Variants in ZGRF1 observed in about 807,000 individuals in gnomAD.
ZGRF1 encodes 5'-3' DNA helicase ZGRF1.
Under a neutral mutation model 203.5 loss-of-function variants are expected in ZGRF1, and 196 were observed. The ratio of observed to expected loss-of-function variants is 0.96; its 90% CI spans 0.86 to 1.08. The LOEUF (loss-of-function observed/expected upper bound fraction) is 1.08. ZGRF1 is among the 50% of genes least tolerant of loss of function. The pLI is 0.00. For missense variants in ZGRF1, 2,326 were observed against 2,416.3 expected, an observed-to-expected ratio of 0.96 and a Z score of 0.78; for synonymous variants, 809 against 841.3, an observed-to-expected ratio of 0.96 and a Z score of 0.66.
At chr4:112,613,787 T>C (rs1484510983) in intron 6 of ZGRF1, among the ~76,000 whole-genome samples, 1 of 152,128 alleles carries the variant, frequency 6.6e-6, no homozygotes, top group Non-Finnish European at 1.5e-5. Flanking sequence ...ATTTTTTTTC[T>C]TAAAAAAAAG....
chr4:112,578,697 T>C lies in ZGRF1; in HGVS notation c.4438+2966A>G, dbSNP rs374749985. ...AGAAATGGATAAATTCCTCGACACATACATCCTCCCAAGACTAAACCAGGA... is the reference window on the plus strand; with the variant it reads ...AGAAATGGATAAATTCCTCGACACACACATCCTCCCAAGACTAAACCAGGA... On this transcript the variant is annotated intron_variant, in intron 16 of 27. Coordinates refer to ENST00000505019, the MANE Select transcript of ZGRF1 (RefSeq NM_018392.5). Among the ~76,000 whole-genome samples the C allele has an allele frequency of 7.3e-5, 9 of 122,962 alleles. 4 individuals are homozygous for C. Among genetic ancestry groups the C allele is most frequent in the East Asian group, 4.8e-4 (2 of 4,204 alleles). The allele number at this position is 122,962 out of a possible 152,430, so 80.7% of individuals were successfully genotyped here. A position where few individuals can be genotyped will look rare whatever the true frequency, so the allele number is the denominator to read the frequency against.
Position 112,595,331 on chromosome 4 carries a change from GTCTTCAAAAGATTATACTA to G in ZGRF1, c.2977-5476_2977-5458del, listed in dbSNP as rs1229863081. On this transcript the variant is annotated intron_variant, in intron 10 of 27. Coordinates refer to ENST00000505019, the MANE Select transcript of ZGRF1 (RefSeq NM_018392.5). ...TTCTAAGTAATTTTGCTGTTTAAAT[GTCTTCAAAAGATTATACTA>G]TGATTTAGCCCTGAACAAAAAATTA... Among the ~76,000 whole-genome samples, 1,030 of 152,210 alleles carry G rather than the reference GTCTTCAAAAGATTATACTA, an allele frequency of 6.8e-3. 15 individuals are homozygous for G. Among genetic ancestry groups the G allele is most frequent in the African/African-American group, 0.023 (973 of 41,524 alleles).
chr4:112,587,689 A>T lies in ZGRF1; in HGVS notation c.3368T>A (p.Phe1123Tyr). 1 of 1,610,406 alleles carries T rather than the reference A, an allele frequency of 6.2e-7. No individual in the cohort carries two copies. Among genetic ancestry groups the T allele is most frequent in the Non-Finnish European group, 8.5e-7 (1 of 1,177,924 alleles). Residue 1123 changes from phenylalanine to tyrosine, a missense_variant, in exon 12 of 28, where the codon TTC becomes TAC. Physicochemically the swap from Phe to Tyr is conservative, Grantham distance 22 (BLOSUM62 3). Transcript: ENST00000505019. The stretch of plus-strand genomic sequence containing the variant: ...ATTCACTTCCCTAGATTCTTCAGAG[A>T]AAAAGGTTTCATTTTGGTCCTCAGG... ...IEPEDQNETF[F>Y]SEESREVNPG...
chr4:112,623,694 C>A (rs988898800), intron 4 of ZGRF1, 123 bp downstream of exon 4: 1 of 611,074 alleles, frequency 1.6e-6, no homozygotes, highest in Non-Finnish European at 2.9e-6. Context: ...CAAAGTCTAG[C>A]TATAATGTTC....
chr4:112,587,115 C>G (rs181564548), intron 12 of ZGRF1, among the ~76,000 whole-genome samples, 165 bp downstream of exon 12: 1 of 152,062 alleles, frequency 6.6e-6, no homozygotes, highest in African/African-American at 2.4e-5. Context: ...ACTACTATTA[C>G]GAGAGATTTT....
At chr4:112,596,467 T>C (rs534549208) in intron 10 of ZGRF1, among the ~76,000 whole-genome samples, 34 of 152,034 alleles carry the variant, frequency 2.2e-4, no homozygotes, top group Non-Finnish European at 4.4e-4. Context: ...AACAAAGAAA[T>C]ATATTTTTTA....
At position 112,617,518 on chromosome 4, in the gene ZGRF1, A is replaced by C; in HGVS notation, c.2524T>G (p.Leu842Val). Reference sequence around the variant, plus strand: ...GTATTTTTCTTTTTCAATATTTCCAAGCTGTCTAAAGCAGTACTGTGTTCA... The same window carrying C: ...GTATTTTTCTTTTTCAATATTTCCACGCTGTCTAAAGCAGTACTGTGTTCA... ...LCEHSTALDS[L>V]EILKKKNTVF... is the part of the protein sequence containing the mutation. Residue 842 changes from leucine to valine, a missense_variant, in exon 6 of 28, where the codon TTG becomes GTG. Transcript: ENST00000505019. The C allele has an allele frequency of 6.2e-7, 1 of 1,603,836 alleles. No homozygotes were observed. The highest frequency in any genetic ancestry group is 1.1e-5 in the South Asian group (1 of 88,300).
In ZGRF1 at chr4:112,620,205, GTCAAAA is replaced by G. The variant is rs1560875843; in HGVS notation, c.163-21_163-16del. ...CCAGGTTTCACCTGAAAGAATAAAT[GTCAAAA>G]TCACATACATCTAATTATTTGATTA... On this transcript the variant is annotated splice_polypyrimidine_tract_variant and intron_variant, in intron 4 of 27. Transcript: ENST00000505019. 1 of 1,587,138 alleles carries G rather than the reference GTCAAAA, an allele frequency of 6.3e-7. No individual in the cohort carries two copies. Among genetic ancestry groups the G allele is most frequent in the South Asian group, 1.1e-5 (1 of 87,118 alleles).
chr4:112,558,147 T>C lies in ZGRF1; in HGVS notation c.5120+3A>G. On this transcript the variant is annotated splice_donor_region_variant and intron_variant, in intron 20 of 27. Coordinates refer to ENST00000505019, the MANE Select transcript of ZGRF1 (RefSeq NM_018392.5). ...GCTACTTAAATGCACTTGTCATGCC[T>C]ACCCAAGAAGTACTCTGTCAACAGC... 6.3e-7 allele frequency: 1 copy of C among 1,599,538 alleles called. No homozygotes were observed. Among genetic ancestry groups the C allele is most frequent in the South Asian group, 1.1e-5 (1 of 87,934 alleles).
chr4:112,619,156 G>A lies in ZGRF1; in HGVS notation c.886C>T (p.Leu296=). 6.2e-7 allele frequency: 1 copy of A among 1,613,616 alleles called. No homozygotes were observed. Among genetic ancestry groups the A allele is most frequent in the Non-Finnish European group, 8.5e-7 (1 of 1,179,932 alleles). ...SLKIATKPKY[L]IQQEECAEMK... is the part of the protein sequence containing the mutation. Reference sequence around the variant, plus strand: ...TCAGCACACTCTTCCTGTTGAATTAGGTACTTTGGTTTAGTAGCAATTTTT... The same window carrying A: ...TCAGCACACTCTTCCTGTTGAATTAAGTACTTTGGTTTAGTAGCAATTTTT... The change falls in exon 6 of 28, where the codon CTA becomes TTA. Residue 296 remains leucine (L), a synonymous_variant. Transcript: ENST00000505019.
rs751305782 is a variant in ZGRF1 at position 112,541,267 on chromosome 4, C to T, written c.5600G>A (p.Gly1867Asp). The part of the protein sequence containing the change: ...QTLFDRLCLM[G>D]HKPILLRTQY... ...AGTTCTCAATAGAATTGGCTTGTGA[C>T]CCTAAGAAATTTAAATGAAGAAAAA... is the stretch of plus-strand genomic sequence containing the variant. Residue 1867 changes from glycine (G) to aspartate (D), a missense_variant and splice_region_variant, in exon 25 of 28, where the codon GGT becomes GAT. Coordinates refer to ENST00000505019, the MANE Select transcript of ZGRF1 (RefSeq NM_018392.5). The T allele has an allele frequency of 3.1e-5, 46 of 1,501,250 alleles. No individual in the cohort carries two copies. Among genetic ancestry groups the T allele is most frequent in the Non-Finnish European group, 1.2e-5 (13 of 1,114,644 alleles). 93.0% of individuals were successfully genotyped at this position (1,501,250 alleles called of 1,614,324 possible).
At chr4:112,594,552 A>T (rs1748687497) in intron 10 of ZGRF1, among the ~76,000 whole-genome samples, 1 of 151,772 alleles carries the variant, frequency 6.6e-6, no homozygotes, top group Non-Finnish European at 1.5e-5. Context: ...TCCCAGGTTC[A>T]AGCGATTCTC....
At chr4:112,616,549 A>C (rs2046878843) in intron 6 of ZGRF1, among the ~76,000 whole-genome samples, 1 of 147,236 alleles carries the variant, frequency 6.8e-6, no homozygotes, top group South Asian at 2.1e-4. Flanking sequence ...AAGAAACACA[A>C]TTATGGGCCA....
chr4:112,577,345 C>T (rs1458798671), intron 16 of ZGRF1, among the ~76,000 whole-genome samples: 1 of 122,554 alleles, frequency 8.2e-6, no homozygotes, highest in Admixed American at 9.4e-5. Context: ...TAAAGCCCGT[C>T]GACGCTAGGA....
chr4:112,582,596 G>A (rs939010126), intron 15 of ZGRF1, among the ~76,000 whole-genome samples: 1 of 152,050 alleles, frequency 6.6e-6, no homozygotes, highest in African/African-American at 2.4e-5. Context: ...TGGGACTACA[G>A]GTGCAGGCCA....
intron 9 of ZGRF1, 190 bp downstream of exon 9, chr4:112,605,818 G>C: frequency 1.8e-6 from 1 of 553,730 alleles, no homozygotes; most frequent in Non-Finnish European, 3.2e-6. Context: ...GTAGTATAGA[G>C]AAAGTTTAAG....
chr4:112,564,928 C>T (rs1742735040), intron 16 of ZGRF1: 1 of 735,252 alleles, frequency 1.4e-6, no homozygotes, highest in Non-Finnish European at 2.5e-6. Flanking sequence ...CCAGCGCCGC[C>T]TGTCGCTGAC....
intron 20 of ZGRF1, among the ~76,000 whole-genome samples, chr4:112,557,866 TC>T (rs1741236903): frequency 6.6e-6 from 1 of 152,156 alleles, no homozygotes; most frequent in Admixed American, 6.5e-5. Flanking sequence ...GCAGACTGCC[TC>T]CCCCAACAAT....
rs751126310 is a variant in ZGRF1, at chr4:112,618,202, A to G, written c.1840T>C (p.Cys614Arg). Residue 614 changes from cysteine (C) to arginine (R), a missense_variant, in exon 6 of 28, where the codon TGT becomes CGT. Physicochemically the swap from Cys to Arg is radical, Grantham distance 180 (BLOSUM62 -3). Transcript: ENST00000505019. Reference protein sequence around the residue: ...PVKETLPSQFCDKTYVGFDMG... With the variant: ...PVKETLPSQFRDKTYVGFDMG... Reference sequence around the variant, plus strand: ...TCAAAACCCACATAAGTTTTATCACAAAACTGTGATGGCAGAGTCTCTTTA... The same window carrying G: ...TCAAAACCCACATAAGTTTTATCACGAAACTGTGATGGCAGAGTCTCTTTA... 15 of 1,613,826 alleles carry G rather than the reference A, an allele frequency of 9.3e-6. 2 individuals are homozygous for G. In the South Asian group the frequency reaches 1.6e-4, roughly 18 times the overall value.
Sources: gnomAD v4.1 joint callset for allele counts (sites outside exome capture counted in the v4.1 genomes callset) on GRCh38, gnomAD v4.1.1 for gene constraint, MANE v1.5 for transcripts, NCBI Gene and HGNC (gene_info 2026-07-23, HGNC 2026-07-21) for gene names.